The following PTCSC3 variants were observed in gnomAD, a reference collection of about 807,000 sequenced individuals.
PTCSC3 encodes papillary thyroid carcinoma susceptibility candidate 3.
intron 3 of PTCSC3, among the ~76,000 whole-genome samples, chr14:36,143,876 T>A (rs1439978022): frequency 6.7e-6 from 1 of 149,754 alleles, no homozygotes; most frequent in African/African-American, 2.5e-5. Context: ...TTTCTACATA[T>A]GGCTAGCCAG....
chr14:36,161,264 T>C (rs1157304849), intron 2 of PTCSC3, among the ~76,000 whole-genome samples: 1 of 152,200 alleles, frequency 6.6e-6, no homozygotes, highest in Non-Finnish European at 1.5e-5. Context: ...GTTCCCTTGC[T>C]GGCGAGGAGT....
Position 36,148,800 on chromosome 14 carries a change from G to A in PTCSC3, n.322+5004C>T, listed in dbSNP as rs540518290. 3.3e-5 allele frequency among the ~76,000 whole-genome samples: 5 copies of A among 152,234 alleles called. No homozygotes were observed. The South Asian group carries it at 6.2e-4, about 19-fold the overall frequency. On this transcript the variant is annotated intron_variant and non_coding_transcript_variant, in intron 3 of 3. Transcript: ENST00000556013. ...GCCCATTTTATCTAAATATTATCAC[G>A]TTGTGGGCATAGAGTTGTTTAAAAT...
intron 2 of PTCSC3, among the ~76,000 whole-genome samples, chr14:36,154,946 C>G (rs1881798292): frequency 6.6e-6 from 1 of 152,090 alleles, no homozygotes; most frequent in Non-Finnish European, 1.5e-5. Flanking sequence ...CCTTCTTGGC[C>G]CCATGCATTC....
At chr14:36,156,197 C>G (rs1172800291) in intron 2 of PTCSC3, among the ~76,000 whole-genome samples, 1 of 152,200 alleles carries the variant, frequency 6.6e-6, no homozygotes, top group Non-Finnish European at 1.5e-5. Context: ...AGACTGAGAA[C>G]AGCTCTACCT....
intron 1 of PTCSC3, among the ~76,000 whole-genome samples, chr14:36,169,043 G>A (rs1300547397): frequency 6.6e-6 from 1 of 151,892 alleles, no homozygotes; most frequent in African/African-American, 2.4e-5. Context: ...TACACATTAA[G>A]AGAAATTATA....
intron 3 of PTCSC3, among the ~76,000 whole-genome samples, chr14:36,145,548 T>C (rs568504796): frequency 0.015 from 2,109 of 144,018 alleles, 24 homozygotes; most frequent in South Asian, 0.03. Context: ...GATTCTTCTC[T>C]CTTTTTTTCT....
intron 2 of PTCSC3, among the ~76,000 whole-genome samples, chr14:36,160,172 C>CTT (rs1437529763): frequency 1.3e-5 from 2 of 152,122 alleles, no homozygotes; most frequent in East Asian, 3.9e-4. Context: ...GGTCTTGACT[C>CTT]TTTATCCAAT....
intron 1 of PTCSC3, among the ~76,000 whole-genome samples, chr14:36,167,401 CT>C (rs1259664654): frequency 1.3e-5 from 2 of 152,066 alleles, no homozygotes; most frequent in Non-Finnish European, 2.9e-5. Context: ...CTTATTCTAA[CT>C]GGGACCCCAC....
intron 1 of PTCSC3, among the ~76,000 whole-genome samples, chr14:36,171,301 A>C (rs182816321): frequency 1.3e-5 from 2 of 152,282 alleles, no homozygotes; most frequent in Admixed American, 1.3e-4. Flanking sequence ...TTGAGGTAGC[A>C]GATACTAAAA....
At chr14:36,142,412 A>T (rs562388130) in intron 3 of PTCSC3, among the ~76,000 whole-genome samples, 2 of 152,170 alleles carry the variant, frequency 1.3e-5, no homozygotes, top group African/African-American at 2.4e-5. Context: ...TAACACCTGT[A>T]TTCATGAGAT....
At chr14:36,151,035 A>G (rs1394741713) in intron 3 of PTCSC3, among the ~76,000 whole-genome samples, 3 of 152,174 alleles carry the variant, frequency 2.0e-5, no homozygotes, top group Non-Finnish European at 4.4e-5. Flanking sequence ...TCCCTGAAGA[A>G]ATTTTCACAT....
intron 2 of PTCSC3, among the ~76,000 whole-genome samples, chr14:36,159,183 A>T (rs1449205487): frequency 4.1e-5 from 6 of 145,358 alleles, no homozygotes; most frequent in East Asian, 2.0e-4. Flanking sequence ...TTGATCTTTA[A>T]AAAAAAAAAC....
chr14:36,163,991 A>G (rs1486016176), intron 1 of PTCSC3: 1 of 152,236 alleles, frequency 6.6e-6, no homozygotes, highest in Non-Finnish European at 1.5e-5. Flanking sequence ...AGATTAAAAT[A>G]TATATGCACC....
At chr14:36,153,050 C>A (rs1158074541) in intron 3 of PTCSC3, among the ~76,000 whole-genome samples, 1 of 152,194 alleles carries the variant, frequency 6.6e-6, no homozygotes, top group Non-Finnish European at 1.5e-5. Context: ...ATTTACTTCT[C>A]ACAGCTCTGT....
At chr14:36,165,400 T>C (rs1482316578) in intron 1 of PTCSC3, 1 of 152,158 alleles carries the variant, frequency 6.6e-6, no homozygotes, top group African/African-American at 2.4e-5. Context: ...GCCTCTCTGG[T>C]GATTTAAAGG....
chr14:36,172,285 T>C (rs960224450), intron 1 of PTCSC3, among the ~76,000 whole-genome samples: 1 of 152,174 alleles, frequency 6.6e-6, no homozygotes, highest in Non-Finnish European at 1.5e-5. Flanking sequence ...TAGCTATTTA[T>C]TGTGCTCATC....
At chr14:36,152,679 A>T (rs1457245255) in intron 3 of PTCSC3, among the ~76,000 whole-genome samples, 1 of 152,056 alleles carries the variant, frequency 6.6e-6, no homozygotes, top group Non-Finnish European at 1.5e-5. Flanking sequence ...GATCACCTGA[A>T]GTTCAGGAGT....
At chr14:36,157,591 G>C (rs2139103028) in intron 2 of PTCSC3, among the ~76,000 whole-genome samples, 2 of 152,190 alleles carry the variant, frequency 1.3e-5, no homozygotes, top group Admixed American at 1.3e-4. Flanking sequence ...AAGGGGTTCA[G>C]TTTCAGTTTT....
intron 1 of PTCSC3, among the ~76,000 whole-genome samples, chr14:36,171,925 C>G (rs1294348763): frequency 6.6e-6 from 1 of 152,104 alleles, no homozygotes; most frequent in Non-Finnish European, 1.5e-5. Context: ...TTAACCTTTC[C>G]CATCTGCCTT....
Sources: allele counts gnomAD v4.1 joint callset (sites outside exome capture counted in the v4.1 genomes callset), GRCh38; gene constraint gnomAD v4.1.1; transcripts MANE v1.5; gene names NCBI Gene and HGNC (gene_info 2026-07-23, HGNC 2026-07-21).